PRSS23: variants seen among roughly 807,000 people sequenced by gnomAD.
The protein encoded by PRSS23 is protease, serine 23.
PRSS23 carries 25 observed loss-of-function variants against 34.7 expected under a neutral mutation model. The ratio of observed to expected loss-of-function variants is 0.72; its 90% CI spans 0.53 to 1.01. The LOEUF (loss-of-function observed/expected upper bound fraction) is 1.01. PRSS23 is among the 50% of genes least tolerant of loss of function. PRSS23 has a pLI of 0.00. For synonymous variants in PRSS23, 176 were observed against 186.6 expected (o/e 0.94, Z 0.46); for missense variants, 445 against 475.6 (o/e 0.94, Z 0.60).
At chr11:86,832,383 G>A (rs1489622339) in intron 2 of PRSS23, among the ~76,000 whole-genome samples, 1 of 152,234 alleles carries the variant, frequency 6.6e-6, no homozygotes, top group East Asian at 1.9e-4. Flanking sequence ...TACACTCTGT[G>A]ATAGTATTTT....
At chr11:86,823,866 C>CGTGGT (rs1437795461) in intron 2 of PRSS23, among the ~76,000 whole-genome samples, 1 of 150,814 alleles carries the variant, frequency 6.6e-6, no homozygotes, top group Non-Finnish European at 1.5e-5. Flanking sequence ...ATTAGCCGGG[C>CGTGGT]GTGGTAGCGG....
chr11:86,811,541 A>G (rs1213444839), downstream of PRSS23, among the ~76,000 whole-genome samples: 1 of 152,198 alleles, frequency 6.6e-6, no homozygotes, highest in Non-Finnish European at 1.5e-5. Flanking sequence ...TGAAAAGGAG[A>G]TAGTGTTTTT....
At chr11:86,951,723 A>G (rs550778413) in exon 3 of PRSS23, 3 of 1,614,184 alleles carry the variant, frequency 1.9e-6, no homozygotes, top group Admixed American at 3.3e-5. Context: ...TGGAAATAAG[A>G]GCTGTGCATT....
At chr11:86,837,005 G>T (rs1948411184) in intron 2 of PRSS23, 1 of 152,120 alleles carries the variant, frequency 6.6e-6, no homozygotes, top group Non-Finnish European at 1.5e-5. Flanking sequence ...TTCTTTTATT[G>T]AGTTTTGTGT....
intron 2 of PRSS23, among the ~76,000 whole-genome samples, chr11:86,897,907 A>G (rs1948887363): frequency 6.6e-6 from 1 of 152,238 alleles, no homozygotes; most frequent in Non-Finnish European, 1.5e-5. Flanking sequence ...ATGGGCTAAA[A>G]ACTGTGCCAA....
downstream of PRSS23, among the ~76,000 whole-genome samples, chr11:86,814,584 G>C (rs78266921): frequency 0.011 from 1,646 of 152,308 alleles, 34 homozygotes; most frequent in African/African-American, 0.037. Context: ...GAAGGCAGGA[G>C]ACCAGAGAGG....
intron 2 of PRSS23, chr11:86,833,019 A>C: frequency 2.3e-6 from 1 of 438,282 alleles, no homozygotes; most frequent in Non-Finnish European, 4.2e-6. Flanking sequence ...AAAAAAACAC[A>C]AAACTAGGAA....
intron 1 of PRSS23, among the ~76,000 whole-genome samples, chr11:86,818,521 A>G (rs1413740835): frequency 6.6e-6 from 1 of 152,192 alleles, no homozygotes; most frequent in Non-Finnish European, 1.5e-5. Context: ...ATAAATCAAA[A>G]TTTTGAAATA....
intron 2 of PRSS23, among the ~76,000 whole-genome samples, chr11:86,851,459 A>C (rs1334061157): frequency 2.6e-5 from 4 of 152,192 alleles, no homozygotes; most frequent in Non-Finnish European, 4.4e-5. Context: ...GAACCCCCAA[A>C]GGGAAGGGCA....
At chr11:86,868,594 G>GA (rs537247566) in intron 2 of PRSS23, among the ~76,000 whole-genome samples, 19 of 152,224 alleles carry the variant, frequency 1.2e-4, no homozygotes, top group African/African-American at 3.4e-4. Context: ...GTGTAGCCAA[G>GA]AAAATGCCCT....
At chr11:86,947,234 C>CA (rs1949251690) in intron 2 of PRSS23, 3 of 157,724 alleles carry the variant, frequency 1.9e-5, no homozygotes, top group Admixed American at 6.3e-5. Flanking sequence ...AACAAACAAA[C>CA]AACAAAAAAA....
At position 86,952,405 on chromosome 11, in the gene PRSS23, G is replaced by A. The variant is rs188461616; in HGVS notation, c.*1120G>A. 14 of 1,614,046 alleles carry A rather than the reference G, an allele frequency of 8.7e-6. No individual in the cohort carries two copies. The highest frequency in any genetic ancestry group is 2.2e-5 in the East Asian group (1 of 44,884). Reference sequence around the variant, plus strand: ...TCTTGACTGAAAGACACATGCCGCCGCATGGGCCAATGGGGATGTTGATCT... The same window carrying A: ...TCTTGACTGAAAGACACATGCCGCCACATGGGCCAATGGGGATGTTGATCT... On this transcript the variant is annotated 3_prime_UTR_variant, in exon 3 of 3. Coordinates refer to the PRSS23 transcript ENST00000533902.
intron 2 of PRSS23, among the ~76,000 whole-genome samples, chr11:86,854,994 C>T (rs1390683907): frequency 6.6e-6 from 1 of 152,102 alleles, no homozygotes; most frequent in Non-Finnish European, 1.5e-5. Context: ...GGAGAAACCT[C>T]ATCTCTACTA....
chr11:86,925,310 G>GTGTC (rs1196831728), intron 2 of PRSS23, among the ~76,000 whole-genome samples: 2 of 151,842 alleles, frequency 1.3e-5, no homozygotes, highest in Non-Finnish European at 2.9e-5. Flanking sequence ...GTGTGTGTGT[G>GTGTC]TGTGTGTGTG....
At chr11:86,846,967 C>T (rs548812746) in intron 2 of PRSS23, among the ~76,000 whole-genome samples, 135 of 152,326 alleles carry the variant, frequency 8.9e-4, no homozygotes, top group African/African-American at 3.2e-3. Flanking sequence ...AAACTTTCCC[C>T]TTCCTTGGGG....
chr11:86,922,298 C>T (rs1425282096), intron 2 of PRSS23, among the ~76,000 whole-genome samples: 2 of 152,092 alleles, frequency 1.3e-5, no homozygotes, highest in Non-Finnish European at 2.9e-5. Context: ...ATCAGATGGA[C>T]AATTACTTAA....
chr11:86,862,830 T>C (rs1948625434), intron 2 of PRSS23, among the ~76,000 whole-genome samples: 1 of 149,872 alleles, frequency 6.7e-6, no homozygotes, highest in Admixed American at 6.7e-5. Flanking sequence ...AGGGGGGTGT[T>C]ATTTTTAATG....
At chr11:86,930,789 C>CAA (rs56369539) in intron 2 of PRSS23, among the ~76,000 whole-genome samples, 1,305 of 123,952 alleles carry the variant, frequency 0.011, 23 homozygotes, top group African/African-American at 0.037. Context: ...GACTCCGTCT[C>CAA]AAAAAAAAAA....
intron 2 of PRSS23, among the ~76,000 whole-genome samples, chr11:86,841,292 T>C (rs1034037881): frequency 1.4e-5 from 2 of 145,394 alleles, no homozygotes; most frequent in Admixed American, 1.4e-4. Context: ...TGAGCCAAGA[T>C]TGAGCCATTG....
Sources: gnomAD v4.1 joint callset for allele counts (sites outside exome capture counted in the v4.1 genomes callset) on GRCh38, gnomAD v4.1.1 for gene constraint, MANE v1.5 for transcripts, NCBI Gene and HGNC (gene_info 2026-07-23, HGNC 2026-07-21) for gene names.